The following GDF5 variants were observed in gnomAD, a reference collection of about 807,000 sequenced individuals.
GDF5 encodes the protein growth/differentiation factor 5.
A neutral mutation model predicts 34.6 loss-of-function variants in GDF5; 17 were observed. That is an observed-to-expected ratio of 0.49 (90% CI 0.34 to 0.74). GDF5 has a LOEUF of 0.74. Ranked by LOEUF, GDF5 falls within the 30% of genes least tolerant of loss-of-function variation. GDF5 has a pLI of 0.01. For missense variants in GDF5, 616 were observed against 661.2 expected, an observed-to-expected ratio of 0.93 and a Z score of 0.75; for synonymous variants, 332 against 290.7, an observed-to-expected ratio of 1.14 and a Z score of -1.44.
At chr20:35,435,611 G>A (rs6060419) in intron 1 of GDF5, among the ~76,000 whole-genome samples, 2 of 151,810 alleles carry the variant, frequency 1.3e-5, no homozygotes, top group Non-Finnish European at 2.9e-5. Context: ...TTGTTATGCA[G>A]ATGAGGCACA....
chr20:35,438,109 G>A lies in GDF5; in HGVS notation c.-181C>T. On this transcript the variant is annotated 5_prime_UTR_variant, in exon 1 of 2. Transcript: ENST00000374369. ...CTTGAAGTCTGCCGGGTGTGTGTTT[G>A]TATCCAGTCCCATAGTGGAAATGCT... 1.5e-6 allele frequency: 1 copy of A among 688,088 alleles called. No individual in the cohort carries two copies. The highest frequency in any genetic ancestry group is 1.8e-5 in the African/African-American group (1 of 56,216). 42.6% of individuals were successfully genotyped at this position (688,088 alleles called of 1,614,324 possible).
chr20:35,444,834 C>T (rs1349224214), intron 1 of GDF5, among the ~76,000 whole-genome samples: 1 of 152,158 alleles, frequency 6.6e-6, no homozygotes, highest in Non-Finnish European at 1.5e-5. Context: ...ACCTCCTGAT[C>T]TGCCCACCTA....
chr20:35,453,219 C>T (rs2062541736), intron 1 of GDF5, among the ~76,000 whole-genome samples: 1 of 152,106 alleles, frequency 6.6e-6, no homozygotes, highest in African/African-American at 2.4e-5. Context: ...CGCTGCACTC[C>T]AGCCTGGGCG....
At chr20:35,438,857 G>A (rs866852902), upstream of GDF5, among the ~76,000 whole-genome samples, 2 of 23,518 alleles carry the variant, frequency 8.5e-5, no homozygotes, top group African/African-American at 1.6e-4. Flanking sequence ...GTGTGTGTGT[G>A]TGTTTATGTG....
Position 35,434,219 on chromosome 20 carries a change from C to T in GDF5, c.1196G>A (p.Arg399His), listed in dbSNP as rs1242283920. ...GACATGCAGTGCCTTCCGACTGCAG[C>T]GAGCCTTAAGGTTCTTGCTGGGTCG... Reference protein sequence around the residue: ...GKRPSKNLKARCSRKALHVNF... With the variant: ...GKRPSKNLKAHCSRKALHVNF... Residue 399 changes from arginine (R) to histidine (H), a missense_variant, in exon 2 of 2, where the codon CGC becomes CAC. Arg to His is a conservative substitution (Grantham distance 29). Coordinates refer to ENST00000374369, the MANE Select transcript of GDF5 (RefSeq NM_000557.5). The T allele has an allele frequency of 1.9e-6, 3 of 1,614,202 alleles. No individual in the cohort carries two copies. Among genetic ancestry groups the T allele is most frequent in the Non-Finnish European group, 2.5e-6 (3 of 1,180,016 alleles).
chr20:35,437,653 A>T lies in GDF5; in HGVS notation c.276T>A (p.Asp92Glu), dbSNP rs140058823. 3.7e-5 allele frequency: 59 copies of T among 1,613,870 alleles called. No individual in the cohort carries two copies. The highest frequency in any genetic ancestry group is 1.6e-4 in the Middle Eastern group (1 of 6,062). Residue 92 changes from aspartate to glutamate, a missense_variant, in exon 1 of 2, where the codon GAT (aspartate) becomes GAA (glutamate). Asp to Glu is a conservative substitution (Grantham distance 45). Transcript: ENST00000374369. Reference sequence around the variant, plus strand: ...GTCTGGGGGGCAGCTTTTTGGGTTCATCCTTCTTGGGCTGTGTCAGGCCTC... The same window carrying T: ...GTCTGGGGGGCAGCTTTTTGGGTTCTTCCTTCTTGGGCTGTGTCAGGCCTC... Reference protein sequence around the residue: ...QTGGLTQPKKDEPKKLPPRPG... With the variant: ...QTGGLTQPKKEEPKKLPPRPG...
intron 1 of GDF5, 90 bp from the exon 2 acceptor site, chr20:35,434,873 CA>C (rs1465247026): frequency 1.8e-5 from 24 of 1,343,830 alleles, no homozygotes; most frequent in Non-Finnish European, 2.4e-5. Context: ...AGCTCTCTCC[CA>C]GTCCAGAGAG....
chr20:35,442,765 C>T (rs1242458925), upstream of GDF5, among the ~76,000 whole-genome samples: 4 of 151,694 alleles, frequency 2.6e-5, no homozygotes, highest in African/African-American at 9.7e-5. Flanking sequence ...AGGCTGGTCT[C>T]GAACTCCTGA....
upstream of GDF5, among the ~76,000 whole-genome samples, chr20:35,442,000 C>T (rs2062499359): frequency 6.6e-6 from 1 of 151,994 alleles, no homozygotes; most frequent in African/African-American, 2.4e-5. Context: ...ATCACGATGC[C>T]CAGCTAATTT....
intron 1 of GDF5, among the ~76,000 whole-genome samples, chr20:35,448,795 T>G (rs1316419479): frequency 6.6e-6 from 1 of 152,212 alleles, no homozygotes; most frequent in Non-Finnish European, 1.5e-5. Context: ...GAACTGTGAC[T>G]GGACATCCTT....
Position 35,446,153 on chromosome 20 carries a change from C to CA in GDF5, c.-397-4767dup, listed in dbSNP as rs531447957. ...TGAAACCCCGTCTCTACTAAAAATA[C>CA]AAAAAAAATAGCTGAATGTGGTGGC... On this transcript the variant is annotated intron_variant, in intron 1 of 3. Transcript: ENST00000374372. 8.0e-5 allele frequency among the ~76,000 whole-genome samples: 12 copies of CA among 150,756 alleles called. No individual in the cohort carries two copies. The South Asian group carries it at 8.4e-4, about 10-fold the overall frequency.
intron 1 of GDF5, among the ~76,000 whole-genome samples, chr20:35,446,186 T>C (rs2062513575): frequency 6.7e-6 from 1 of 149,982 alleles, no homozygotes; most frequent in Non-Finnish European, 1.5e-5. Context: ...GGCAGGCACC[T>C]GTAATTCCAG....
At chr20:35,451,853 C>T (rs549125439) in intron 1 of GDF5, among the ~76,000 whole-genome samples, 1 of 152,130 alleles carries the variant, frequency 6.6e-6, no homozygotes, top group South Asian at 2.1e-4. Context: ...TTGTGTAAGA[C>T]TGATGTGGTG....
At position 35,437,640 on chromosome 20, in the gene GDF5, G is replaced by A. The variant is rs1306741611; in HGVS notation, c.289C>T (p.Leu97=). Residue 97 remains leucine, a synonymous_variant, in exon 1 of 2, where the codon CTG becomes TTG. Transcript: ENST00000374369. The part of the protein sequence containing the change: ...TQPKKDEPKK[L]PPRPGGPEPK... ...TCAGGGCCGCCCGGTCTGGGGGGCAGCTTTTTGGGTTCATCCTTCTTGGGC... is the reference window on the plus strand; with the variant it reads ...TCAGGGCCGCCCGGTCTGGGGGGCAACTTTTTGGGTTCATCCTTCTTGGGC... 3 of 1,614,036 alleles carry A rather than the reference G, an allele frequency of 1.9e-6. No homozygotes were observed. The highest frequency in any genetic ancestry group is 2.5e-6 in the Non-Finnish European group (3 of 1,180,036).
chr20:35,451,054 A>T (rs6088848), intron 1 of GDF5, among the ~76,000 whole-genome samples: 13,129 of 47,388 alleles, frequency 0.28, 2,528 homozygotes, highest in East Asian at 0.32. Context: ...AAAAAAAAAA[A>T]AAAAAAAAAA....
intron 1 of GDF5, among the ~76,000 whole-genome samples, chr20:35,447,347 G>C (rs543421467): frequency 6.6e-6 from 1 of 152,164 alleles, no homozygotes; most frequent in Non-Finnish European, 1.5e-5. Context: ...CTCCGCAGCA[G>C]TGGCCACTGC....
chr20:35,437,431 G>C lies in GDF5; in HGVS notation c.498C>G (p.Pro166=). The C allele has an allele frequency of 8.7e-6, 14 of 1,613,196 alleles. No individual in the cohort carries two copies. Among genetic ancestry groups the C allele is most frequent in the African/African-American group, 1.3e-5 (1 of 75,008 alleles). ...AGAGCATGTACTCGTGGGGTGTGAT[G>C]GGGGGTGGGCGAAACGGCTCCTTGG... ...REPKEPFRPP[P]ITPHEYMLSL... Residue 166 remains proline, a synonymous_variant, in exon 1 of 2, where the codon CCC becomes CCG. Coordinates refer to ENST00000374369, the MANE Select transcript of GDF5 (RefSeq NM_000557.5).
chr20:35,441,067 G>A (rs2062495834), upstream of GDF5, among the ~76,000 whole-genome samples: 1 of 152,216 alleles, frequency 6.6e-6, no homozygotes, highest in African/African-American at 2.4e-5. Context: ...AAATGAATGA[G>A]TTGAACAACC....
At chr20:35,442,896 T>G (rs2146587422), upstream of GDF5, among the ~76,000 whole-genome samples, 1 of 152,252 alleles carries the variant, frequency 6.6e-6, no homozygotes, top group East Asian at 1.9e-4. Context: ...AAGGTTAAAT[T>G]ATTTTTTAAA....
Sources: allele counts gnomAD v4.1 joint callset (sites outside exome capture counted in the v4.1 genomes callset), GRCh38; gene constraint gnomAD v4.1.1; transcripts MANE v1.5; gene names NCBI Gene and HGNC (gene_info 2026-07-23, HGNC 2026-07-21).